DACH2: variants seen among roughly 807,000 people sequenced by gnomAD.
DACH2 encodes dachshund homolog 2.
A neutral mutation model predicts 35.8 loss-of-function variants in DACH2; 17 were observed. The ratio of observed to expected loss-of-function variants is 0.48; its 90% CI spans 0.33 to 0.71. DACH2 has a LOEUF of 0.71. Among genes scored for constraint, DACH2 ranks in the 30% least tolerant of loss-of-function variants. The probability of loss-of-function intolerance (pLI) is 0.02; values close to 1 mark genes in which losing one functional copy is unlikely to be tolerated. For synonymous variants in DACH2, 195 were observed against 177.3 expected, an observed-to-expected ratio of 1.10 and a Z score of -0.79; for missense variants, 469 against 472.7, an observed-to-expected ratio of 0.99 and a Z score of 0.07.
intron 2 of DACH2, among the ~76,000 whole-genome samples, chrX:86,402,715 A>G (rs945652081): frequency 6.3e-5 from 7 of 111,935 alleles, no homozygotes; most frequent in Non-Finnish European, 1.1e-4. Flanking sequence ...AAAAGAGCCC[A>G]AATAGTCAAA....
intron 1 of DACH2, among the ~76,000 whole-genome samples, chrX:86,267,713 A>G (rs2033736395): frequency 8.9e-6 from 1 of 112,149 alleles, no homozygotes; most frequent in Non-Finnish European, 1.9e-5. Context: ...TTAATACTGT[A>G]GGAAAGTAAT....
chrX:86,161,065 T>C, intron 1 of DACH2: 4 of 1,066,309 alleles, frequency 3.8e-6, no homozygotes, highest in Non-Finnish European at 5.2e-6. Context: ...TTGTCATCAT[T>C]CCAACCAGAA....
intron 1 of DACH2, among the ~76,000 whole-genome samples, chrX:86,347,824 G>A (rs1402022983): frequency 8.9e-6 from 1 of 111,812 alleles, no homozygotes; most frequent in Non-Finnish European, 1.9e-5. Context: ...AATCAGTATC[G>A]TACACTTTGG....
intron 7 of DACH2, among the ~76,000 whole-genome samples, chrX:86,743,107 G>A (rs2041674176): frequency 9.0e-6 from 1 of 111,467 alleles, no homozygotes; most frequent in African/African-American, 3.2e-5. Context: ...CTGTCATAGA[G>A]GGGAGCTGCT....
At chrX:86,611,799 G>A (rs985705688) in intron 3 of DACH2, among the ~76,000 whole-genome samples, 31 of 111,449 alleles carry the variant, frequency 2.8e-4, no homozygotes, top group Admixed American at 2.0e-3. Context: ...ACAGGATGGG[G>A]CAACGGTGGT....
intron 3 of DACH2, among the ~76,000 whole-genome samples, chrX:86,555,679 C>A: frequency 9.0e-6 from 1 of 111,383 alleles, no homozygotes; most frequent in South Asian, 3.7e-4. Context: ...CATTTTAATT[C>A]TCATTTTCCT....
intron 1 of DACH2, among the ~76,000 whole-genome samples, chrX:86,191,873 G>A (rs1047078096): frequency 1.8e-5 from 2 of 111,289 alleles, no homozygotes; most frequent in Non-Finnish European, 3.8e-5. Flanking sequence ...CCCAAGAGGC[G>A]GAGGTTTCAG....
chrX:86,522,834 G>A (rs1459340099), intron 3 of DACH2, among the ~76,000 whole-genome samples: 3 of 111,528 alleles, frequency 2.7e-5, no homozygotes, highest in Non-Finnish European at 3.8e-5. Context: ...AAAGGAGAGG[G>A]AATATTATAT....
chrX:86,281,440 A>T (rs1417281583), intron 1 of DACH2, among the ~76,000 whole-genome samples: 1 of 111,607 alleles, frequency 9.0e-6, no homozygotes, highest in Non-Finnish European at 1.9e-5. Context: ...GCCTTCAATA[A>T]AATTCAACAC....
At chrX:86,734,795 C>T (rs973155145) in intron 6 of DACH2, among the ~76,000 whole-genome samples, 31 of 111,345 alleles carry the variant, frequency 2.8e-4, no homozygotes, top group Non-Finnish European at 4.7e-4. Flanking sequence ...TTTTATTTTA[C>T]TGTCTCTGGT....
chrX:86,171,869 G>T (rs956691252), intron 1 of DACH2, among the ~76,000 whole-genome samples: 4 of 111,752 alleles, frequency 3.6e-5, no homozygotes, highest in African/African-American at 1.3e-4. Flanking sequence ...GTAGATAGTT[G>T]TTAACTTGCA....
chrX:86,360,917 G>A (rs1602440886), intron 1 of DACH2, among the ~76,000 whole-genome samples: 1 of 110,699 alleles, frequency 9.0e-6, no homozygotes, highest in East Asian at 2.8e-4. Flanking sequence ...TTGTTGCTGA[G>A]CATATTTTGA....
chrX:86,621,030 T>C (rs2040064312), intron 3 of DACH2, among the ~76,000 whole-genome samples: 1 of 111,795 alleles, frequency 8.9e-6, no homozygotes, highest in East Asian at 2.8e-4. Flanking sequence ...ACTACTACTT[T>C]TAATAATTCC....
chrX:86,495,698 A>G (rs939577168), intron 2 of DACH2, among the ~76,000 whole-genome samples: 2 of 109,756 alleles, frequency 1.8e-5, no homozygotes, highest in Admixed American at 9.8e-5. Context: ...CTCTACTCCT[A>G]GCTACTCAGG....
intron 7 of DACH2, among the ~76,000 whole-genome samples, chrX:86,774,044 C>T (rs1051999374): frequency 1.8e-5 from 2 of 111,018 alleles, no homozygotes; most frequent in Non-Finnish European, 3.8e-5. Context: ...ACATTCTCAC[C>T]AACAGTGTAC....
chrX:86,500,019 G>T (rs1384114534), intron 2 of DACH2, among the ~76,000 whole-genome samples: 2 of 111,466 alleles, frequency 1.8e-5, no homozygotes, highest in South Asian at 3.8e-4. Flanking sequence ...GCCTGCAAGT[G>T]GGTACAAGCT....
intron 1 of DACH2, among the ~76,000 whole-genome samples, chrX:86,165,943 T>C (rs1323514706): frequency 2.7e-5 from 3 of 111,905 alleles, no homozygotes; most frequent in African/African-American, 9.7e-5. Context: ...CAAAGTTTTC[T>C]TGTAGCAGTT....
At chrX:86,660,061 C>A (rs1478921941) in intron 4 of DACH2, among the ~76,000 whole-genome samples, 1 of 111,045 alleles carries the variant, frequency 9.0e-6, no homozygotes, top group African/African-American at 3.3e-5. Flanking sequence ...GTTTTTCCTG[C>A]TTTTGGGATT....
intron 3 of DACH2, among the ~76,000 whole-genome samples, chrX:86,610,344 CTCCTTCCT>C (rs1204104255): frequency 9.6e-6 from 1 of 104,006 alleles, no homozygotes; most frequent in Non-Finnish European, 2.0e-5. Context: ...CTCTTTCTTT[CTCCTTCCT>C]TCCTTCCTTC....
Sources: gnomAD v4.1 joint callset for allele counts (sites outside exome capture counted in the v4.1 genomes callset) on GRCh38, gnomAD v4.1.1 for gene constraint, MANE v1.5 for transcripts, NCBI Gene and HGNC (gene_info 2026-07-23, HGNC 2026-07-21) for gene names.